Variants in GRXCR2 observed in about 807,000 individuals in gnomAD.
GRXCR2 encodes the protein glutaredoxin and cysteine rich domain containing 2.
In GRXCR2, 23 loss-of-function variants were observed where a neutral mutation model predicts 24.8. That is an observed-to-expected ratio of 0.93 (90% CI 0.67 to 1.32). GRXCR2 has a LOEUF of 1.32. Among genes scored for constraint, GRXCR2 ranks in the 40% most tolerant of loss-of-function variants. The pLI is 0.00. For synonymous variants in GRXCR2, 130 were observed against 116.1 expected (o/e 1.12, Z -0.77); for missense variants, 315 against 303.4 (o/e 1.04, Z -0.28).
At chr5:145,908,857 A>T (rs1365761418) in intron 2 of GRXCR2, among the ~76,000 whole-genome samples, 1 of 152,204 alleles carries the variant, frequency 6.6e-6, no homozygotes, top group Non-Finnish European at 1.5e-5. Flanking sequence ...TGACAGAGCT[A>T]AAAGCATTGA....
At chr5:145,876,732 C>A (rs1428932656), upstream of GRXCR2, among the ~76,000 whole-genome samples, 1 of 152,132 alleles carries the variant, frequency 6.6e-6, no homozygotes, top group African/African-American at 2.4e-5. Flanking sequence ...GTGAGCCAAC[C>A]TAAAATCATG....
chr5:145,890,800 C>T (rs1439083685), intron 2 of GRXCR2, among the ~76,000 whole-genome samples: 1 of 151,210 alleles, frequency 6.6e-6, no homozygotes, highest in Non-Finnish European at 1.5e-5. Context: ...ATGGTCTAAA[C>T]ACCCCGTTTA....
chr5:145,917,943 C>T (rs878871407), intron 2 of GRXCR2, among the ~76,000 whole-genome samples: 1 of 152,142 alleles, frequency 6.6e-6, no homozygotes, highest in Admixed American at 6.5e-5. Context: ...CCATGCACAG[C>T]TAATTTTTGT....
chr5:145,872,592 A>G (rs750040546), intron 1 of GRXCR2, 41 bp downstream of exon 1: 1 of 1,491,452 alleles, frequency 6.7e-7, no homozygotes, highest in Non-Finnish European at 9.0e-7. Context: ...CGTTTTAGGA[A>G]GCCCTACCCT....
At chr5:145,892,331 C>A (rs1399710357) in intron 2 of GRXCR2, among the ~76,000 whole-genome samples, 4 of 152,086 alleles carry the variant, frequency 2.6e-5, no homozygotes, top group Non-Finnish European at 5.9e-5. Context: ...GATCAAACTA[C>A]TCTGAGCTAA....
intron 2 of GRXCR2, among the ~76,000 whole-genome samples, chr5:145,904,989 T>C (rs1757070864): frequency 1.3e-5 from 2 of 152,206 alleles, no homozygotes; most frequent in Admixed American, 6.5e-5. Flanking sequence ...CACCGTGACT[T>C]ATCCAGCTTC....
intron 2 of GRXCR2, among the ~76,000 whole-genome samples, chr5:145,910,051 C>A (rs912827140): frequency 5.3e-5 from 8 of 152,114 alleles, no homozygotes; most frequent in African/African-American, 1.7e-4. Context: ...GTGGCTGAAC[C>A]AATATTGGGA....
At chr5:145,902,860 A>G (rs925272595) in intron 2 of GRXCR2, among the ~76,000 whole-genome samples, 1 of 152,190 alleles carries the variant, frequency 6.6e-6, no homozygotes, top group African/African-American at 2.4e-5. Context: ...CATTGTATAG[A>G]TAAGAAGTAA....
In GRXCR2 at chr5:145,892,361, T is replaced by G. The variant is rs574811196; in HGVS notation, c.-69-25633A>C. ...AGCTAAAGAAGGAAGTTCGAACCCA[T>G]GGCAAAGAAGTTAAAGACCTTGAAA... On this transcript the variant is annotated intron_variant, in intron 2 of 3. Transcript: ENST00000639411. Among the ~76,000 whole-genome samples, 21 of 152,102 alleles carry G rather than the reference T, an allele frequency of 1.4e-4. 1 individual carries two copies. In the South Asian group the frequency reaches 4.4e-3, roughly 32 times the overall value.
chr5:145,881,599 GT>G (rs2084629238), intron 2 of GRXCR2, among the ~76,000 whole-genome samples: 1 of 152,184 alleles, frequency 6.6e-6, no homozygotes, highest in Non-Finnish European at 1.5e-5. Flanking sequence ...TGGCCATGCT[GT>G]CCAAGGTAAT....
chr5:145,883,547 C>T (rs190240748), intron 2 of GRXCR2, among the ~76,000 whole-genome samples: 2 of 152,276 alleles, frequency 1.3e-5, no homozygotes, highest in Admixed American at 6.5e-5. Context: ...CATAGAGGAA[C>T]TGATTACTCA....
rs192175102 is a variant in GRXCR2, at chr5:145,878,562, G to A, written c.-69-11834C>T. Among the ~76,000 whole-genome samples the A allele has an allele frequency of 9.9e-5, 15 of 151,850 alleles. No individual in the cohort carries two copies. The East Asian group carries it at 2.3e-3, about 24-fold the overall frequency. On this transcript the variant is annotated intron_variant, in intron 2 of 3. Transcript: ENST00000639411. ...TGGGACTATGTGAAAAGACCAAATC[G>A]ACATTTGATAGGTGTACCTGAAATT...
chr5:145,927,362 G>A (rs1039008638), intron 2 of GRXCR2, among the ~76,000 whole-genome samples: 2 of 152,000 alleles, frequency 1.3e-5, no homozygotes, highest in Non-Finnish European at 2.9e-5. Context: ...ATTGGCTGTG[G>A]GTTTGTCATA....
chr5:145,880,185 A>G (rs1756678923), intron 2 of GRXCR2, among the ~76,000 whole-genome samples: 1 of 152,226 alleles, frequency 6.6e-6, no homozygotes, highest in African/African-American at 2.4e-5. Context: ...GCAAGAAATA[A>G]CTAAGATCAG....
At chr5:145,893,991 G>A (rs1296566436) in intron 2 of GRXCR2, among the ~76,000 whole-genome samples, 38 of 152,186 alleles carry the variant, frequency 2.5e-4, no homozygotes, top group South Asian at 8.3e-4. Context: ...ACTCAAAACC[G>A]CTCAACTACA....
Position 145,882,937 on chromosome 5 carries a change from C to T in GRXCR2, c.-69-16209G>A, listed in dbSNP as rs1429422239. 4.7e-5 allele frequency among the ~76,000 whole-genome samples: 7 copies of T among 149,114 alleles called. No individual in the cohort carries two copies. The South Asian group carries it at 1.3e-3, about 27-fold the overall frequency. On this transcript the variant is annotated intron_variant, in intron 2 of 3. Coordinates refer to the GRXCR2 transcript ENST00000639411. Reference sequence around the variant, plus strand: ...TATCACAAAGACAGAAAACCAAACACCATATGTTCTCACTCATAGTTGGGA... The same window carrying T: ...TATCACAAAGACAGAAAACCAAACATCATATGTTCTCACTCATAGTTGGGA...
At chr5:145,874,126 C>T (rs535566743), upstream of GRXCR2, among the ~76,000 whole-genome samples, 19 of 152,252 alleles carry the variant, frequency 1.2e-4, no homozygotes, top group African/African-American at 3.4e-4. Context: ...ACCAGCATCA[C>T]CATTTACTGA....
intron 2 of GRXCR2, among the ~76,000 whole-genome samples, chr5:145,882,893 AC>A (rs1323317514): frequency 6.6e-6 from 1 of 152,078 alleles, no homozygotes; most frequent in Non-Finnish European, 1.5e-5. Flanking sequence ...GAAGCTGGAA[AC>A]CATCATTCTC....
chr5:145,900,750 A>T (rs1162267477), intron 2 of GRXCR2, among the ~76,000 whole-genome samples: 3 of 152,260 alleles, frequency 2.0e-5, no homozygotes, highest in African/African-American at 7.2e-5. Flanking sequence ...AAAGAACTTA[A>T]ATCAGAGCTG....
Sources: allele counts gnomAD v4.1 joint callset (sites outside exome capture counted in the v4.1 genomes callset), GRCh38; gene constraint gnomAD v4.1.1; transcripts MANE v1.5; gene names NCBI Gene and HGNC (gene_info 2026-07-23, HGNC 2026-07-21).